CSMD2: variants seen among roughly 807,000 people sequenced by gnomAD.
The protein encoded by CSMD2 is CUB and Sushi multiple domains 2.
A neutral mutation model predicts 398.5 loss-of-function variants in CSMD2; 130 were observed. That is an observed-to-expected ratio of 0.33 (90% CI 0.28 to 0.38). CSMD2 has a LOEUF of 0.38. Among genes scored for constraint, CSMD2 ranks in the 10% least tolerant of loss-of-function variants. The probability of loss-of-function intolerance (pLI) is 1.00; values close to 1 mark genes in which losing one functional copy is unlikely to be tolerated. For synonymous variants in CSMD2, 1,828 were observed against 1,908.5 expected, an observed-to-expected ratio of 0.96 and a Z score of 1.10; for missense variants, 3,829 against 4,764.9, an observed-to-expected ratio of 0.80 and a Z score of 5.78.
At chr1:33,933,046 G>A (rs1339270303) in intron 4 of CSMD2, among the ~76,000 whole-genome samples, 1 of 152,326 alleles carries the variant, frequency 6.6e-6, no homozygotes, top group South Asian at 2.1e-4. Flanking sequence ...AGACTGTGAA[G>A]CTCCTGGTTG....
chr1:34,083,017 A>G (rs1657428322), intron 2 of CSMD2, among the ~76,000 whole-genome samples: 1 of 151,780 alleles, frequency 6.6e-6, no homozygotes, highest in South Asian at 2.1e-4. Flanking sequence ...CTATTGTCCT[A>G]TGACCCTGCC....
chr1:33,781,798 T>G (rs1652800702), intron 12 of CSMD2, among the ~76,000 whole-genome samples: 1 of 152,200 alleles, frequency 6.6e-6, no homozygotes, highest in African/African-American at 2.4e-5. Context: ...AGCAAAGAAA[T>G]TGCAACTATG....
At chr1:33,965,251 G>T (rs557140) in intron 3 of CSMD2, among the ~76,000 whole-genome samples, 89,553 of 152,100 alleles carry the variant, frequency 0.59, 28,146 homozygotes, top group East Asian at 0.84. Context: ...GCCTCTTGGG[G>T]GAAGGCCTGA....
At chr1:33,623,948 C>A (rs1641932617) in intron 35 of CSMD2, among the ~76,000 whole-genome samples, 1 of 152,212 alleles carries the variant, frequency 6.6e-6, no homozygotes, top group African/African-American at 2.4e-5. Flanking sequence ...AATGCTGGGG[C>A]CTCCCTCTGC....
chr1:33,683,341 AAATTTTGTATTTTTTTAGGGAGATGGTT>A (rs1644966579), intron 25 of CSMD2, among the ~76,000 whole-genome samples: 1 of 152,174 alleles, frequency 6.6e-6, no homozygotes, highest in African/African-American at 2.4e-5. Flanking sequence ...GTTTAGAAAA[AAATTTTGTATTTTTTTAGGGAGATGGTT>A]CTCTTTTAAT....
chr1:33,867,512 T>C (rs1640129101), intron 5 of CSMD2, among the ~76,000 whole-genome samples: 3 of 152,174 alleles, frequency 2.0e-5, no homozygotes, highest in Non-Finnish European at 4.4e-5. Context: ...ACCATATGAG[T>C]GTATTTTGTT....
chr1:33,807,955 A>G (rs941699172), intron 10 of CSMD2, among the ~76,000 whole-genome samples: 5 of 152,154 alleles, frequency 3.3e-5, no homozygotes, highest in Non-Finnish European at 7.4e-5. Context: ...ACAAAGACCA[A>G]GAGAAAACTG....
At chr1:33,599,078 ACCTTGGG>A (rs1480143962) in intron 44 of CSMD2, 1 of 152,096 alleles carries the variant, frequency 6.6e-6, no homozygotes, top group Non-Finnish European at 1.5e-5. Flanking sequence ...TAATACCATC[ACCTTGGG>A]GGTTAGGATG....
Position 33,610,930 on chromosome 1 carries a change from C to T in CSMD2, c.6343+111G>A, listed in dbSNP as rs1039881544. The T allele has an allele frequency of 5.7e-6, 6 of 1,056,114 alleles. No individual in the cohort carries two copies. The Admixed American group carries it at 1.1e-4, about 19-fold the overall frequency. The allele number at this position is 1,056,114 out of a possible 1,614,324, so 65.4% of individuals were successfully genotyped here. A position where few individuals can be genotyped will look rare whatever the true frequency, so the allele number is the denominator to read the frequency against. The stretch of plus-strand genomic sequence containing the variant: ...CCCTGACTGGGCCTGCCACCGCAAC[C>T]CACCCCTTATGGTGTTCTGTTTTCC... On this transcript the variant is annotated intron_variant, in intron 41 of 70. Transcript: ENST00000373381.
chr1:34,068,626 A>C (rs1452487103), intron 2 of CSMD2, among the ~76,000 whole-genome samples: 1 of 152,178 alleles, frequency 6.6e-6, no homozygotes, highest in Non-Finnish European at 1.5e-5. Context: ...GACAATCATT[A>C]GCTTCCCATT....
At chr1:33,753,862 G>T (rs948207060) in intron 13 of CSMD2, among the ~76,000 whole-genome samples, 2 of 152,232 alleles carry the variant, frequency 1.3e-5, no homozygotes, top group Non-Finnish European at 2.9e-5. Context: ...ACTGTGTGGG[G>T]CCTGTTACCC....
chr1:33,928,554 A>G (rs1035260787), intron 4 of CSMD2, among the ~76,000 whole-genome samples: 1 of 152,216 alleles, frequency 6.6e-6, no homozygotes, highest in African/African-American at 2.4e-5. Context: ...ACTGGGGCAT[A>G]GAGAGGTTGA....
intron 5 of CSMD2, among the ~76,000 whole-genome samples, chr1:33,857,138 C>T (rs1361110555): frequency 6.6e-6 from 1 of 152,072 alleles, no homozygotes; most frequent in Admixed American, 6.6e-5. Context: ...AGTAACTGAC[C>T]TGCTTTAGGC....
At chr1:33,808,533 A>T (rs1223675637) in intron 10 of CSMD2, among the ~76,000 whole-genome samples, 1 of 152,106 alleles carries the variant, frequency 6.6e-6, no homozygotes, top group Non-Finnish European at 1.5e-5. Flanking sequence ...ATTAAAAAAT[A>T]TTCAGAACTA....
At chr1:34,079,288 G>C (rs1656782532) in intron 2 of CSMD2, among the ~76,000 whole-genome samples, 1 of 152,074 alleles carries the variant, frequency 6.6e-6, no homozygotes, top group Admixed American at 6.6e-5. Context: ...AAGAAATAAG[G>C]GGTATCCCGA....
At chr1:33,577,160 T>A in intron 49 of CSMD2, 136 bp downstream of exon 49, 1 of 830,200 alleles carries the variant, frequency 1.2e-6, no homozygotes, top group Non-Finnish European at 1.8e-6. Flanking sequence ...ACTACAGATC[T>A]TGTAAATGCT....
intron 53 of CSMD2, among the ~76,000 whole-genome samples, chr1:33,561,901 G>C (rs1338787538): frequency 6.6e-6 from 1 of 152,146 alleles, no homozygotes; most frequent in African/African-American, 2.4e-5. Context: ...CACCGGATTT[G>C]GAAAAGGTCG....
intron 1 of CSMD2, among the ~76,000 whole-genome samples, chr1:34,117,788 TTA>T (rs1661756528): frequency 6.6e-6 from 1 of 152,180 alleles, no homozygotes; most frequent in South Asian, 2.1e-4. Flanking sequence ...CAAATGGAAT[TTA>T]TGTTTGAAAT....
chr1:33,929,431 A>ATTTTTTTTTTT (rs1243627294), intron 4 of CSMD2, among the ~76,000 whole-genome samples: 1 of 94,018 alleles, frequency 1.1e-5, no homozygotes, highest in African/African-American at 5.4e-5. Flanking sequence ...CCAAGCCTAT[A>ATTTTTTTTTTT]CTTTTTTTTT....
Sources: gnomAD v4.1 joint callset for allele counts (sites outside exome capture counted in the v4.1 genomes callset) on GRCh38, gnomAD v4.1.1 for gene constraint, MANE v1.5 for transcripts, NCBI Gene and HGNC (gene_info 2026-07-23, HGNC 2026-07-21) for gene names.